WLS: variants seen among roughly 807,000 people sequenced by gnomAD.
The protein encoded by WLS is Wnt ligand secretion mediator, also known as protein wntless homolog.
A neutral mutation model predicts 62.8 loss-of-function variants in WLS; 23 were observed. That is an observed-to-expected ratio of 0.37 (90% confidence interval 0.26 to 0.52). The LOEUF (loss-of-function observed/expected upper bound fraction) is 0.52, where lower values mean the gene tolerates loss of function less well. Among genes scored for constraint, WLS ranks in the 20% least tolerant of loss-of-function variants. The pLI is 0.92. For missense variants in WLS, 615 were observed against 697.3 expected (o/e 0.88, Z 1.33); for synonymous variants, 246 against 244.1 (o/e 1.01, Z -0.07).
intron 11 of WLS, chr1:68,127,069 C>G (rs540813003): frequency 5.0e-6 from 2 of 400,776 alleles, no homozygotes; most frequent in East Asian, 9.4e-5. Flanking sequence ...GTAACTCACA[C>G]TTGTAACCTC....
intron 2 of WLS, chr1:68,161,930 G>C (rs1646981800): frequency 6.2e-7 from 1 of 1,610,774 alleles, no homozygotes. Flanking sequence ...ATGCCTGGCG[G>C]ATATCTGTAT....
intron 2 of WLS, chr1:68,193,708 A>G (rs1013166407): frequency 4.1e-6 from 2 of 488,812 alleles, no homozygotes. Context: ...TCTTCAGATC[A>G]TGAGTAACCT....
intron 11 of WLS, among the ~76,000 whole-genome samples, chr1:68,107,919 G>C (rs1646169926): frequency 6.6e-6 from 1 of 152,034 alleles, no homozygotes; most frequent in Non-Finnish European, 1.5e-5. Context: ...TCCCCAGTGT[G>C]GCAGGAGGCC....
At chr1:68,231,352 G>A (rs1028644105) in intron 1 of WLS, among the ~76,000 whole-genome samples, 14 of 152,312 alleles carry the variant, frequency 9.2e-5, no homozygotes, top group Middle Eastern at 3.4e-3. Context: ...GGGGGCTGTG[G>A]TGGGAGCTGA....
rs1646783554 is a variant in WLS at position 68,148,590 on chromosome 1, CAGA to C, written c.1040_1042del (p.Phe347del). 1 of 1,613,946 alleles carries C rather than the reference CAGA, an allele frequency of 6.2e-7. No individual in the cohort carries two copies. Among genetic ancestry groups the C allele is most frequent in the Non-Finnish European group, 8.5e-7 (1 of 1,179,988 alleles). ...CTCACACATGTCAAATATGAAGAGGCAGAAGGAGCCAACGGCAATGGGTCCGAC... is the reference window on the plus strand; with the variant it reads ...CTCACACATGTCAAATATGAAGAGGCAGGAGCCAACGGCAATGGGTCCGAC... On this transcript the variant is annotated inframe_deletion, in exon 7 of 12. Coordinates refer to ENST00000262348, the MANE Select transcript of WLS (RefSeq NM_024911.7).
chr1:68,128,459 CA>C (rs747995632), intron 11 of WLS, among the ~76,000 whole-genome samples: 1 of 152,220 alleles, frequency 6.6e-6, no homozygotes, highest in Non-Finnish European at 1.5e-5. Flanking sequence ...ATCAAAATTT[CA>C]AAGAGTCCTG....
At chr1:68,182,419 G>A in intron 2 of WLS, among the ~76,000 whole-genome samples, 1 of 152,222 alleles carries the variant, frequency 6.6e-6, no homozygotes, top group Non-Finnish European at 1.5e-5. Flanking sequence ...AGTGCCTGAA[G>A]ATTTCCTCAA....
At chr1:68,196,972 C>A (rs1041168641) in intron 1 of WLS, among the ~76,000 whole-genome samples, 1 of 152,130 alleles carries the variant, frequency 6.6e-6, no homozygotes, top group Non-Finnish European at 1.5e-5. Flanking sequence ...AACAGTGAGA[C>A]AAAAGTCATG....
chr1:68,120,276 A>G (rs894524793), intron 11 of WLS, among the ~76,000 whole-genome samples: 23 of 152,224 alleles, frequency 1.5e-4, no homozygotes, highest in African/African-American at 5.1e-4. Flanking sequence ...CTTACTGAAA[A>G]GCAATAATCC....
intron 2 of WLS, among the ~76,000 whole-genome samples, chr1:68,185,562 C>G (rs1405744948): frequency 6.6e-6 from 1 of 152,112 alleles, no homozygotes; most frequent in African/African-American, 2.4e-5. Flanking sequence ...AGTGGGAACC[C>G]TATTGTGAAG....
intron 5 of WLS, among the ~76,000 whole-genome samples, chr1:68,151,473 T>G (rs939418205): frequency 6.6e-6 from 1 of 152,164 alleles, no homozygotes; most frequent in Admixed American, 6.5e-5. Flanking sequence ...TATGTGTCAG[T>G]CACTATTCTA....
At chr1:68,190,782 G>T (rs1168118725) in intron 2 of WLS, among the ~76,000 whole-genome samples, 1 of 152,182 alleles carries the variant, frequency 6.6e-6, no homozygotes, top group Non-Finnish European at 1.5e-5. Context: ...AGGTGGCCAG[G>T]CACGGTGGCT....
At chr1:68,204,558 G>C (rs1043506839) in intron 1 of WLS, among the ~76,000 whole-genome samples, 3 of 152,084 alleles carry the variant, frequency 2.0e-5, no homozygotes, top group African/African-American at 7.2e-5. Flanking sequence ...CCGCCCGCCT[G>C]GGCCTCCCAA....
At chr1:68,178,829 A>G (rs1647387621) in intron 2 of WLS, among the ~76,000 whole-genome samples, 1 of 152,192 alleles carries the variant, frequency 6.6e-6, no homozygotes, top group African/African-American at 2.4e-5. Flanking sequence ...AAATGCTAGC[A>G]TGTAGTACAA....
intron 2 of WLS, among the ~76,000 whole-genome samples, chr1:68,164,431 T>C (rs1031850281): frequency 1.7e-4 from 26 of 152,078 alleles, no homozygotes; most frequent in African/African-American, 5.8e-4. Context: ...GCTAATTTTG[T>C]ATTTTTAGCA....
At chr1:68,203,521 G>A (rs2820505) in intron 1 of WLS, among the ~76,000 whole-genome samples, 2,525 of 152,290 alleles carry the variant, frequency 0.017, 76 homozygotes, top group African/African-American at 0.057. Flanking sequence ...CAGGGACAGA[G>A]TACCTCTAAG....
intron 2 of WLS, among the ~76,000 whole-genome samples, chr1:68,181,023 A>G (rs1647538167): frequency 6.6e-6 from 1 of 152,184 alleles, no homozygotes; most frequent in African/African-American, 2.4e-5. Flanking sequence ...GGTTTTTTCC[A>G]ATGTAGAGTC....
intron 1 of WLS, among the ~76,000 whole-genome samples, chr1:68,220,841 A>G (rs1649910680): frequency 1.3e-5 from 2 of 152,210 alleles, no homozygotes; most frequent in African/African-American, 4.8e-5. Flanking sequence ...CCTTTCCTTT[A>G]CAGAGCTGCT....
chr1:68,127,445 T>C (rs1364271825), intron 11 of WLS, among the ~76,000 whole-genome samples: 1 of 152,184 alleles, frequency 6.6e-6, no homozygotes, highest in African/African-American at 2.4e-5. Flanking sequence ...AATTTGAACT[T>C]TTCTAAATTA....
Sources: gnomAD v4.1 joint callset for allele counts (sites outside exome capture counted in the v4.1 genomes callset) on GRCh38, gnomAD v4.1.1 for gene constraint, MANE v1.5 for transcripts, NCBI Gene and HGNC (gene_info 2026-07-23, HGNC 2026-07-21) for gene names.